Variants in CMC1 observed in about 807,000 individuals in gnomAD.
CMC1 encodes C-X9-C motif containing 1.
CMC1 carries 14 observed loss-of-function variants against 14.1 expected under a neutral mutation model. The observed-to-expected ratio is 0.99, with a 90% CI of 0.66 to 1.55. The LOEUF (loss-of-function observed/expected upper bound fraction) is 1.55. Among genes scored for constraint, CMC1 ranks in the 40% most tolerant of loss-of-function variants. The pLI is 0.00. For missense variants in CMC1, 127 were observed against 123.8 expected (o/e 1.03, Z -0.12); for synonymous variants, 50 against 38.4 (o/e 1.30, Z -1.12).
intron 2 of CMC1, among the ~76,000 whole-genome samples, chr3:28,276,372 C>T (rs946261683): frequency 2.0e-5 from 3 of 152,092 alleles, no homozygotes; most frequent in Non-Finnish European, 4.4e-5. Context: ...GTAAAATCTA[C>T]ATTTGAACAC....
intron 1 of CMC1, among the ~76,000 whole-genome samples, chr3:28,258,085 T>TATATATATAC (rs1481573780): frequency 6.9e-6 from 1 of 144,918 alleles, no homozygotes; most frequent in Admixed American, 7.0e-5. Context: ...TATATATATA[T>TATATATATAC]ACTTACAATT....
rs555802913 is a variant in CMC1 at position 28,321,546 on chromosome 3, A to G, written c.*1917A>G. The G allele has an allele frequency of 1.1e-4, 17 of 151,340 alleles. No individual in the cohort carries two copies. The highest frequency in any genetic ancestry group is 2.2e-4 in the Non-Finnish European group (15 of 67,552). The allele number at this position is 151,340 out of a possible 1,614,324, so 9.4% of individuals were successfully genotyped here. A position where few individuals can be genotyped will look rare whatever the true frequency, so the allele number is the denominator to read the frequency against. ...TTTTTTCACCTGGTACATCTGTCTC[A>G]GTTGTGTCTTGCTTGCTTATGGGTG... On this transcript the variant is annotated 3_prime_UTR_variant, in exon 4 of 4. Coordinates refer to ENST00000466830, the MANE Select transcript of CMC1 (RefSeq NM_182523.2).
intron 2 of CMC1, among the ~76,000 whole-genome samples, chr3:28,298,938 G>T (rs1022902581): frequency 2.0e-5 from 3 of 151,944 alleles, no homozygotes; most frequent in Non-Finnish European, 4.4e-5. Flanking sequence ...AAAAGGAGCT[G>T]TTTCTTTACC....
At chr3:28,262,769 A>G (rs1370027769) in intron 1 of CMC1, among the ~76,000 whole-genome samples, 2 of 152,142 alleles carry the variant, frequency 1.3e-5, no homozygotes, top group Non-Finnish European at 2.9e-5. Flanking sequence ...ATTTTAGTCC[A>G]GTTGTGGAAG....
intron 2 of CMC1, among the ~76,000 whole-genome samples, chr3:28,274,231 T>TTTTC (rs1700462475): frequency 6.8e-6 from 1 of 147,274 alleles, no homozygotes; most frequent in Non-Finnish European, 1.5e-5. Flanking sequence ...TTTTTTTTTT[T>TTTTC]TTTTGCAGTG....
chr3:28,279,505 A>AT (rs1449676920), intron 2 of CMC1, among the ~76,000 whole-genome samples: 1 of 152,200 alleles, frequency 6.6e-6, no homozygotes, highest in Non-Finnish European at 1.5e-5. Context: ...AAGATAACTC[A>AT]TATGTTGCTA....
At chr3:28,257,838 G>A (rs2125447886) in intron 1 of CMC1, among the ~76,000 whole-genome samples, 1 of 152,138 alleles carries the variant, frequency 6.6e-6, no homozygotes, top group South Asian at 2.1e-4. Flanking sequence ...TCTTGCATAA[G>A]TGAATACCTA....
At chr3:28,274,212 G>GTTTTTTTTGT (rs376321066) in intron 2 of CMC1, among the ~76,000 whole-genome samples, 5 of 88,168 alleles carry the variant, frequency 5.7e-5, no homozygotes, top group African/African-American at 1.5e-4. Flanking sequence ...AAGTGTTTTT[G>GTTTTTTTTGT]TTTTTTTCTT....
At position 28,255,249 on chromosome 3, in the gene CMC1, T is replaced by G. The variant is rs1339237083; in HGVS notation, c.20-8042T>G. Among the ~76,000 whole-genome samples the G allele has an allele frequency of 8.0e-5, 12 of 150,712 alleles. No homozygotes were observed. The East Asian group carries it at 2.3e-3, about 29-fold the overall frequency. On this transcript the variant is annotated intron_variant, in intron 1 of 3. Transcript: ENST00000466830. ...GCTTTGTTTTGTTTCCTCTTTTTTT[T>G]TTTTTTTTTGAGACAGAGTCTCGCT... is the stretch of plus-strand genomic sequence containing the variant.
chr3:28,262,257 T>C (rs1319280949), intron 1 of CMC1, among the ~76,000 whole-genome samples: 1 of 152,120 alleles, frequency 6.6e-6, no homozygotes, highest in African/African-American at 2.4e-5. Flanking sequence ...TTCATCAGAG[T>C]GCATTTAGGT....
In CMC1 at chr3:28,241,736, TCC is replaced by T; in HGVS notation, c.-55_-54del. 5.6e-6 allele frequency: 7 copies of T among 1,240,772 alleles called. No homozygotes were observed. The highest frequency in any genetic ancestry group is 7.1e-6 in the Non-Finnish European group (7 of 987,896). The allele number at this position is 1,240,772 out of a possible 1,614,324, so 76.9% of individuals were successfully genotyped here. A position where few individuals can be genotyped will look rare whatever the true frequency, so the allele number is the denominator to read the frequency against. On this transcript the variant is annotated 5_prime_UTR_variant, in exon 1 of 4. Coordinates refer to ENST00000466830, the MANE Select transcript of CMC1 (RefSeq NM_182523.2). ...CCGAGCCCAAGCCCCTCCCCTCCAC[TCC>T]CCTTCCTGCGTGCCCCGGAGCCGCC...
At chr3:28,268,496 CT>C (rs1225890623) in intron 2 of CMC1, among the ~76,000 whole-genome samples, 2 of 152,220 alleles carry the variant, frequency 1.3e-5, no homozygotes, top group Non-Finnish European at 2.9e-5. Context: ...TTTGGGAACC[CT>C]CTGCCTAACA....
chr3:28,312,269 C>T (rs887964206), intron 2 of CMC1, among the ~76,000 whole-genome samples: 1 of 152,114 alleles, frequency 6.6e-6, no homozygotes, highest in Non-Finnish European at 1.5e-5. Flanking sequence ...GGAATAAGTG[C>T]TGTGTCTAAA....
At chr3:28,297,841 A>T (rs1701822083) in intron 2 of CMC1, among the ~76,000 whole-genome samples, 1 of 152,026 alleles carries the variant, frequency 6.6e-6, no homozygotes, top group Non-Finnish European at 1.5e-5. Flanking sequence ...CATGTGTTGT[A>T]GTGGTTCATT....
intron 1 of CMC1, chr3:28,263,084 T>C: frequency 2.1e-6 from 1 of 486,972 alleles, no homozygotes; most frequent in Non-Finnish European, 3.6e-6. Flanking sequence ...ACATGTTGCT[T>C]GTATTCCTCA....
intron 2 of CMC1, among the ~76,000 whole-genome samples, chr3:28,271,496 A>G (rs1341527165): frequency 6.6e-6 from 1 of 152,174 alleles, no homozygotes; most frequent in Non-Finnish European, 1.5e-5. Context: ...AGGTTTGTCG[A>G]AGATCAGATA....
At chr3:28,288,251 A>G (rs1559426197) in intron 2 of CMC1, among the ~76,000 whole-genome samples, 1 of 152,158 alleles carries the variant, frequency 6.6e-6, no homozygotes, top group Non-Finnish European at 1.5e-5. Context: ...TAAATTAAAA[A>G]TGATCACATG....
At chr3:28,274,110 A>G (rs573459193) in intron 2 of CMC1, among the ~76,000 whole-genome samples, 16 of 150,528 alleles carry the variant, frequency 1.1e-4, no homozygotes, top group Admixed American at 2.0e-4. Context: ...ATATTGTTAT[A>G]TGTGAATTTG....
At position 28,282,970 on chromosome 3, in the gene CMC1, G is replaced by C. The variant is rs1700974835; in HGVS notation, c.109+19590G>C. On this transcript the variant is annotated intron_variant, in intron 2 of 3. Coordinates refer to ENST00000466830, the MANE Select transcript of CMC1 (RefSeq NM_182523.2). ...GACATATCTTTCTGTAAGATTTCCA[G>C]GTCATCACACACAGCTCAGCTTCTT... Among the ~76,000 whole-genome samples, 3 of 152,186 alleles carry C rather than the reference G, an allele frequency of 2.0e-5. No individual in the cohort carries two copies. The South Asian group carries it at 6.2e-4, about 32-fold the overall frequency.
Sources: allele counts gnomAD v4.1 joint callset (sites outside exome capture counted in the v4.1 genomes callset), GRCh38; gene constraint gnomAD v4.1.1; transcripts MANE v1.5; gene names NCBI Gene and HGNC (gene_info 2026-07-23, HGNC 2026-07-21).